WTAP: variants seen among roughly 807,000 people sequenced by gnomAD.
The protein encoded by WTAP is pre-mRNA-splicing regulator WTAP.
WTAP carries 8 observed loss-of-function variants against 50.0 expected under a neutral mutation model. The ratio of observed to expected loss-of-function variants is 0.16; its 90% CI spans 0.09 to 0.29. The LOEUF is 0.29. Among genes scored for constraint, WTAP ranks in the 10% least tolerant of loss-of-function variants. The pLI is 1.00. For missense variants in WTAP, 295 were observed against 470.7 expected, an observed-to-expected ratio of 0.63 and a Z score of 3.45; for synonymous variants, 194 against 169.0, an observed-to-expected ratio of 1.15 and a Z score of -1.15.
chr6:159,755,760 CTTTTCTTTTTTTTTTTTTTT>C lies in WTAP; in HGVS notation c.*154_*173del. On this transcript the variant is annotated 3_prime_UTR_variant, in exon 8 of 8. Transcript: ENST00000621533. ...TGTTTTTTTTCTTTGTTTTTTTTTT[CTTTTCTTTTTTTTTTTTTTT>C]TTTTTTTTTTGCTTCAATACTTCTG... The C allele has an allele frequency of 3.5e-6, 1 of 281,890 alleles. No individual in the cohort carries two copies. The highest frequency in any genetic ancestry group is 4.7e-6 in the Non-Finnish European group (1 of 212,246). 17.5% of individuals were successfully genotyped at this position (281,890 alleles called of 1,614,324 possible).
chr6:159,748,084 A>C lies in WTAP; in HGVS notation c.274-107A>C. ...GAATTTCAGGATCAAAGAGGGGAGG[A>C]GCTTAATGAAAGAGTTGGTAAATCA... On this transcript the variant is annotated intron_variant, in intron 5 of 7. Coordinates refer to ENST00000621533, the MANE Select transcript of WTAP (RefSeq NM_001270531.2). This position sits in a 1 kb window ranked among gnomAD's most constrained non-coding sequence, Gnocchi z 5.6. 7 of 1,329,356 alleles carry C rather than the reference A, an allele frequency of 5.3e-6. No individual in the cohort carries two copies. The highest frequency in any genetic ancestry group is 7.2e-6 in the Non-Finnish European group (7 of 976,988). 82.3% of individuals were successfully genotyped at this position (1,329,356 alleles called of 1,614,324 possible). A position where few individuals can be genotyped will look rare whatever the true frequency, so the allele number is the denominator to read the frequency against.
Position 159,753,456 on chromosome 6 carries a change from G to T in WTAP, c.453-4G>T. 1 of 1,614,128 alleles carries T rather than the reference G, an allele frequency of 6.2e-7. No homozygotes were observed. Among genetic ancestry groups the T allele is most frequent in the Non-Finnish European group, 8.5e-7 (1 of 1,180,002 alleles). On this transcript the variant is annotated splice_region_variant and splice_polypyrimidine_tract_variant and intron_variant, in intron 6 of 7. Coordinates refer to ENST00000621533, the MANE Select transcript of WTAP (RefSeq NM_001270531.2). ...TTTGTGATGGATGGCTCTTTCCTTT[G>T]CAGCCAAACAGGGAAAAAGTTAATG...
chr6:159,749,118 C>T (rs1779729117), intron 6 of WTAP: 1 of 986,112 alleles, frequency 1.0e-6, no homozygotes, highest in African/African-American at 1.7e-5. Context: ...TGAATGGTTG[C>T]AAAAACTGTA....
At chr6:159,735,317 T>G (rs982545305) in intron 1 of WTAP, among the ~76,000 whole-genome samples, 7 of 152,336 alleles carry the variant, frequency 4.6e-5, no homozygotes, top group Middle Eastern at 3.4e-3. Flanking sequence ...TTTTTTAATT[T>G]TTTGGTAGAG....
chr6:159,755,794 T>G lies in WTAP; in HGVS notation c.*183T>G. On this transcript the variant is annotated 3_prime_UTR_variant, in exon 8 of 8. Transcript: ENST00000621533. Reference sequence around the variant, plus strand: ...TTTTTTTTTTTTTTTTTTTTTTGCTTCAATACTTCTGCCGCTTTGGAAATT... The same window carrying G: ...TTTTTTTTTTTTTTTTTTTTTTGCTGCAATACTTCTGCCGCTTTGGAAATT... 2.3e-6 allele frequency: 2 copies of G among 877,020 alleles called. No homozygotes were observed. Among genetic ancestry groups the G allele is most frequent in the Non-Finnish European group, 1.5e-6 (1 of 665,292 alleles). The allele number at this position is 877,020 out of a possible 1,614,324, so 54.3% of individuals were successfully genotyped here. A position where few individuals can be genotyped will look rare whatever the true frequency, so the allele number is the denominator to read the frequency against.
At chr6:159,727,873 A>T (rs756719316) in intron 1 of WTAP, among the ~76,000 whole-genome samples, 170 bp downstream of exon 1, 7 of 152,190 alleles carry the variant, frequency 4.6e-5, no homozygotes, top group Non-Finnish European at 5.9e-5. Flanking sequence ...TGCGGGGAAC[A>T]CTTCCGCCGC....
At chr6:159,732,174 A>G (rs1778612824) in intron 1 of WTAP, among the ~76,000 whole-genome samples, 1 of 152,332 alleles carries the variant, frequency 6.6e-6, no homozygotes, top group East Asian at 1.9e-4. Flanking sequence ...ATTGAAAAAA[A>G]TCCAAATATA....
In WTAP at chr6:159,753,613, T is replaced by C; in HGVS notation, c.606T>C (p.Asp202=). 1 of 1,599,034 alleles carries C rather than the reference T, an allele frequency of 6.3e-7. No individual in the cohort carries two copies. The highest frequency in any genetic ancestry group is 1.1e-5 in the South Asian group (1 of 88,796). The part of the protein sequence containing the change: ...KYSEELKSSQ[D]ELNDFIIQLD... ...GTGAGGAGCTTAAAAGCAGTCAGGA[T>C]GGTAAGGGGTTTGTTTCTTTTTGGA... The change falls in exon 7 of 8, where the codon GAT becomes GAC. Residue 202 remains aspartate (D), a splice_region_variant and synonymous_variant. Coordinates refer to ENST00000621533, the MANE Select transcript of WTAP (RefSeq NM_001270531.2).
chr6:159,732,777 TC>T (rs753502726), intron 1 of WTAP, among the ~76,000 whole-genome samples: 7 of 151,864 alleles, frequency 4.6e-5, no homozygotes, highest in Non-Finnish European at 8.8e-5. Context: ...TGAGCCGAGA[TC>T]GCGCCATTGC....
intron 1 of WTAP, among the ~76,000 whole-genome samples, chr6:159,732,049 G>T (rs1778604470): frequency 6.6e-6 from 1 of 152,074 alleles, no homozygotes; most frequent in Non-Finnish European, 1.5e-5. Flanking sequence ...CCAAAATCCT[G>T]GCATAGGAAT....
intron 1 of WTAP, among the ~76,000 whole-genome samples, chr6:159,732,886 A>AGTGTGTGTGTGTGTGTGTGTGTGTGTGT (rs67554039): frequency 1.4e-5 from 2 of 146,488 alleles, no homozygotes; most frequent in African/African-American, 5.2e-5. Flanking sequence ...ATATATATAT[A>AGTGTGTGTGTGTGTGTGTGTGTGTGTGT]GTGTGTGTGT....
chr6:159,727,263 C>T (rs1387238839), upstream of WTAP: 5 of 1,283,500 alleles, frequency 3.9e-6, no homozygotes, highest in Admixed American at 7.0e-5. Flanking sequence ...TCCCTCCCTT[C>T]ACCTTTCCTC....
chr6:159,727,558 G>T lies in WTAP; in HGVS notation c.-154G>T. The stretch of plus-strand genomic sequence containing the variant: ...AGACCCACAAATAAAGGGGAGCGCA[G>T]GGGTTGCGGCGGGACTAGGAGCGCG... On this transcript the variant is annotated 5_prime_UTR_variant, in exon 1 of 8. In the 5' UTR this introduces an upstream ATG that the reference lacks. Transcript: ENST00000621533. 1.0e-6 allele frequency: 1 copy of T among 989,118 alleles called. No individual in the cohort carries two copies. The highest frequency in any genetic ancestry group is 1.2e-6 in the Non-Finnish European group (1 of 832,804). 61.3% of individuals were successfully genotyped at this position (989,118 alleles called of 1,614,324 possible). A position where few individuals can be genotyped will look rare whatever the true frequency, so the allele number is the denominator to read the frequency against.
chr6:159,747,897 T>TATTTTTTTA (rs1245334303), intron 5 of WTAP, among the ~76,000 whole-genome samples: 1 of 152,230 alleles, frequency 6.6e-6, no homozygotes. Flanking sequence ...CTTAAATAGT[T>TATTTTTTTA]ATTTTTTTAA....
chr6:159,746,131 T>C (rs1779561205), intron 5 of WTAP, among the ~76,000 whole-genome samples: 1 of 152,196 alleles, frequency 6.6e-6, no homozygotes, highest in Admixed American at 6.6e-5. Context: ...AATACGAATT[T>C]AAAATTGTTC....
chr6:159,742,084 T>TA lies in WTAP; in HGVS notation c.87-4_87-3insA, dbSNP rs1272445934. The TA allele has an allele frequency of 6.3e-7, 1 of 1,593,820 alleles. No individual in the cohort carries two copies. Among genetic ancestry groups the TA allele is most frequent in the East Asian group, 2.2e-5 (1 of 44,582 alleles). ...CAACTAATGTATGGATTTTTTTTTATTAGATGGAAACAATATGAAGCATAT... is the reference window on the plus strand; with the variant it reads ...CAACTAATGTATGGATTTTTTTTTATATAGATGGAAACAATATGAAGCATAT... On this transcript the variant is annotated splice_region_variant and splice_polypyrimidine_tract_variant and intron_variant, in intron 3 of 7. Transcript: ENST00000621533.
At chr6:159,727,459 A>AGCGGAGCCGTGCGGCGGGGCGGG, upstream of WTAP, 1 of 956,176 alleles carries the variant, frequency 1.0e-6, no homozygotes, top group Non-Finnish European at 1.2e-6. Flanking sequence ...GGCAGGGCGG[A>AGCGGAGCCGTGCGGCGGGGCGGG]GCGGAGCCGT....
At chr6:159,736,876 T>C (rs117617813) in intron 2 of WTAP, among the ~76,000 whole-genome samples, 1 of 152,170 alleles carries the variant, frequency 6.6e-6, no homozygotes, top group Non-Finnish European at 1.5e-5. Flanking sequence ...TAACATCGTC[T>C]CTAGGAGGAA....
chr6:159,742,883 T>G (rs1779346083), intron 4 of WTAP, among the ~76,000 whole-genome samples: 1 of 151,686 alleles, frequency 6.6e-6, no homozygotes, highest in Admixed American at 6.6e-5. Context: ...TAGGGAGACC[T>G]TGTCTCTACA....
Sources: gnomAD v4.1 joint callset for allele counts (sites outside exome capture counted in the v4.1 genomes callset) on GRCh38, gnomAD v4.1.1 for gene constraint, Gnocchi (gnomAD v3.1) non-coding constraint, MANE v1.5 for transcripts, NCBI Gene and HGNC (gene_info 2026-07-23, HGNC 2026-07-21) for gene names.